The following CACNA1D variants were observed in gnomAD, a reference collection of about 807,000 sequenced individuals.
CACNA1D encodes the protein calcium voltage-gated channel subunit alpha1 D.
CACNA1D carries 55 observed loss-of-function variants against 257.1 expected under a neutral mutation model. That is an observed-to-expected ratio of 0.21 (90% CI 0.17 to 0.27). The LOEUF is 0.27. Among genes scored for constraint, CACNA1D ranks in the 10% least tolerant of loss-of-function variants. CACNA1D has a pLI of 1.00. For synonymous variants in CACNA1D, 980 were observed against 1,014.9 expected (o/e 0.97, Z 0.65); for missense variants, 1,876 against 2,784.0 (o/e 0.67, Z 7.34).
At chr3:53,497,620 T>G (rs1228062224) in intron 2 of CACNA1D, among the ~76,000 whole-genome samples, 159 bp downstream of exon 2, 4 of 152,110 alleles carry the variant, frequency 2.6e-5, no homozygotes, top group Non-Finnish European at 4.4e-5. Flanking sequence ...TCCTGTCTCT[T>G]CGGGTTGCAG....
At chr3:53,704,432 C>T (rs1041419687) in intron 9 of CACNA1D, among the ~76,000 whole-genome samples, 1 of 152,186 alleles carries the variant, frequency 6.6e-6, no homozygotes, top group Admixed American at 6.5e-5. Context: ...GGGAGGGTTT[C>T]TAGAGCTAAC....
At chr3:53,691,718 A>G (rs2094522224) in intron 8 of CACNA1D, among the ~76,000 whole-genome samples, 1 of 112,904 alleles carries the variant, frequency 8.9e-6, no homozygotes, top group African/African-American at 3.5e-5. Context: ...TAATATATAT[A>G]TTACATATAT....
At position 53,524,435 on chromosome 3, in the gene CACNA1D, A is replaced by G. The variant is rs3821844; in HGVS notation, c.483+22715A>G. 4.9e-4 allele frequency among the ~76,000 whole-genome samples: 75 copies of G among 152,344 alleles called. No individual in the cohort carries two copies. The East Asian group carries it at 0.012, about 24-fold the overall frequency. ...AATGACTGCTGTGCCAACACACAAA[A>G]CTACAAGATACATTTAAGCATCAGT... On this transcript the variant is annotated intron_variant, in intron 3 of 47. Coordinates refer to ENST00000350061, the MANE Select transcript of CACNA1D (RefSeq NM_001128840.3).
intron 3 of CACNA1D, among the ~76,000 whole-genome samples, chr3:53,619,946 A>G (rs2093677913): frequency 6.6e-6 from 1 of 152,236 alleles, no homozygotes; most frequent in Admixed American, 6.5e-5. Context: ...AATAGAAAAG[A>G]TACCTCTTAG....
intron 26 of CACNA1D, among the ~76,000 whole-genome samples, chr3:53,748,228 C>G (rs2095189916): frequency 6.6e-6 from 1 of 152,214 alleles, no homozygotes; most frequent in South Asian, 2.1e-4. Flanking sequence ...GCTTCTGGAG[C>G]TCCCACCCCC....
intron 45 of CACNA1D, among the ~76,000 whole-genome samples, chr3:53,806,040 C>T (rs1576734801): frequency 7.0e-6 from 1 of 142,582 alleles, no homozygotes; most frequent in East Asian, 2.1e-4. Context: ...CTCCTCCTCC[C>T]TCATGTTCCC....
rs76987552 is a variant in CACNA1D, at chr3:53,779,026, C to T, written c.4588-1000C>T. Among the ~76,000 whole-genome samples, 877 of 152,262 alleles carry T rather than the reference C, an allele frequency of 5.8e-3. 12 individuals carry two copies. The highest frequency in any genetic ancestry group is 0.019 in the African/African-American group (809 of 41,544). On this transcript the variant is annotated intron_variant, in intron 37 of 47. Transcript: ENST00000350061. ...TTAAAAACATGCTTGGAGCCGGGCA[C>T]GGTGGCTCACACCTGTAATCCCAAC...
intron 30 of CACNA1D, 107 bp from the exon 31 acceptor site, chr3:53,769,866 T>TG: frequency 1.2e-6 from 1 of 863,560 alleles, no homozygotes; most frequent in Non-Finnish European, 2.0e-6. Context: ...GCAGGTGTGG[T>TG]GTCTAAAGAT....
At chr3:53,683,592 A>G (rs905816847) in intron 8 of CACNA1D, among the ~76,000 whole-genome samples, 3 of 152,260 alleles carry the variant, frequency 2.0e-5, no homozygotes, top group African/African-American at 7.2e-5. Flanking sequence ...GGAAAAGTCG[A>G]TAGAAACAAA....
chr3:53,746,118 A>G (rs2095166737), intron 25 of CACNA1D, among the ~76,000 whole-genome samples: 1 of 151,994 alleles, frequency 6.6e-6, no homozygotes, highest in Non-Finnish European at 1.5e-5. Context: ...CAACATCTCT[A>G]TCTAGTTGCA....
chr3:53,775,177 T>G (rs77407001), intron 34 of CACNA1D, among the ~76,000 whole-genome samples: 5,849 of 152,342 alleles, frequency 0.038, 171 homozygotes, highest in Middle Eastern at 0.099. Flanking sequence ...GAAGTATTTC[T>G]AATGACTCTA....
At chr3:53,529,666 T>C (rs1377529820) in intron 3 of CACNA1D, among the ~76,000 whole-genome samples, 3 of 152,196 alleles carry the variant, frequency 2.0e-5, no homozygotes, top group Admixed American at 6.5e-5. Flanking sequence ...ACATGAGGTA[T>C]CTGTGAAATG....
At chr3:53,801,871 C>T (rs554307325) in intron 42 of CACNA1D, among the ~76,000 whole-genome samples, 45 of 152,288 alleles carry the variant, frequency 3.0e-4, no homozygotes, top group Non-Finnish European at 5.3e-4. Flanking sequence ...ATTAAAATTT[C>T]CCTATGGTCA....
At chr3:53,802,842 G>A (rs1435549247) in intron 43 of CACNA1D, among the ~76,000 whole-genome samples, 2 of 152,212 alleles carry the variant, frequency 1.3e-5, no homozygotes, top group Admixed American at 6.5e-5. Flanking sequence ...CTGAGGCCAG[G>A]ATGAGCCGGG....
chr3:53,612,177 TTCTAAG>T (rs1344111479), intron 3 of CACNA1D, among the ~76,000 whole-genome samples: 1 of 152,264 alleles, frequency 6.6e-6, no homozygotes, highest in Non-Finnish European at 1.5e-5. Flanking sequence ...ACCTCCTCAT[TTCTAAG>T]TCTGTTTCTG....
rs1479192397 is a variant in CACNA1D at position 53,813,271 on chromosome 3, C to CCTTT, written c.*1866_*1869dup. On this transcript the variant is annotated 3_prime_UTR_variant, in exon 48 of 48. Coordinates refer to ENST00000350061, the MANE Select transcript of CACNA1D (RefSeq NM_001128840.3). ...TAAATGACTCTTTCCTGACATAAAT[C>CCTTT]CTTTTTTATTAAAATGCAAAATGTT... The CCTTT allele has an allele frequency of 6.6e-6, 1 of 151,808 alleles. No homozygotes were observed. Among genetic ancestry groups the CCTTT allele is most frequent in the Non-Finnish European group, 1.5e-5 (1 of 68,002 alleles). The allele number at this position is 151,808 out of a possible 1,614,324, so 9.4% of individuals were successfully genotyped here. A position where few individuals can be genotyped will look rare whatever the true frequency, so the allele number is the denominator to read the frequency against.
At chr3:53,782,489 G>C (rs146622796) in intron 39 of CACNA1D, 1 of 151,834 alleles carries the variant, frequency 6.6e-6, no homozygotes, top group East Asian at 1.9e-4. Context: ...CTTTTATAGC[G>C]TCGCTGCCGC....
rs1374742410 is a variant in CACNA1D at position 53,812,389 on chromosome 3, T to C, written c.*983T>C. On this transcript the variant is annotated 3_prime_UTR_variant, in exon 48 of 48. Transcript: ENST00000350061. ...ATCCTCTGGGGTTAAAATTTTAAGTTTGAAAGAACTTGACACTACAGAAAT... is the reference window on the plus strand; with the variant it reads ...ATCCTCTGGGGTTAAAATTTTAAGTCTGAAAGAACTTGACACTACAGAAAT... 6.6e-6 allele frequency: 1 copy of C among 152,212 alleles called. No individual in the cohort carries two copies. Among genetic ancestry groups the C allele is most frequent in the African/African-American group, 2.4e-5 (1 of 41,444 alleles). The allele number at this position is 152,212 out of a possible 1,614,324, so 9.4% of individuals were successfully genotyped here. A position where few individuals can be genotyped will look rare whatever the true frequency, so the allele number is the denominator to read the frequency against.
At chr3:53,520,882 CTTTCTTTCTTTCT>C (rs1251919953) in intron 3 of CACNA1D, among the ~76,000 whole-genome samples, 9 of 86,758 alleles carry the variant, frequency 1.0e-4, no homozygotes, top group East Asian at 1.1e-3. Context: ...TTCTTTCTTT[CTTTCTTTCTTTCT>C]TTTCTTTTCT....
Sources: gnomAD v4.1 joint callset for allele counts (sites outside exome capture counted in the v4.1 genomes callset) on GRCh38, gnomAD v4.1.1 for gene constraint, MANE v1.5 for transcripts, NCBI Gene and HGNC (gene_info 2026-07-23, HGNC 2026-07-21) for gene names.